ENOX1: variants seen among roughly 807,000 people sequenced by gnomAD.
The protein encoded by ENOX1 is ecto-NOX disulfide-thiol exchanger 1.
Under a neutral mutation model 82.5 loss-of-function variants are expected in ENOX1, and 42 were observed. That is an observed-to-expected ratio of 0.51 (90% CI 0.40 to 0.66). The LOEUF is 0.66. ENOX1 is among the 30% of genes least tolerant of loss of function. ENOX1 has a pLI of 0.00. For missense variants in ENOX1, 608 were observed against 811.6 expected, an observed-to-expected ratio of 0.75 and a Z score of 3.05; for synonymous variants, 271 against 282.2, an observed-to-expected ratio of 0.96 and a Z score of 0.40.
rs2078073852 is a variant in ENOX1 at position 43,528,441 on chromosome 13, T to TTTTTG, written c.-218-44290_-218-44289insCAAAA. ...CAACTATCTTCCAAAAAGCCTTCAC[T>TTTTTG]ACATTATTATAATCTCACCAAAAGC... On this transcript the variant is annotated intron_variant, in intron 2 of 16. Transcript: ENST00000690772. Among the ~76,000 whole-genome samples, 4 of 152,102 alleles carry TTTTTG rather than the reference T, an allele frequency of 2.6e-5. 1 individual carries two copies. The highest frequency in any genetic ancestry group is 2.6e-4 in the Admixed American group (4 of 15,260).
chr13:43,235,093 G>A (rs769408193), intron 15 of ENOX1, among the ~76,000 whole-genome samples: 2 of 152,166 alleles, frequency 1.3e-5, no homozygotes, highest in Non-Finnish European at 2.9e-5. Context: ...GAGTGACAGA[G>A]AAACAGTTGT....
chr13:43,485,176 A>G (rs553299617), intron 2 of ENOX1, among the ~76,000 whole-genome samples: 129 of 152,214 alleles, frequency 8.5e-4, no homozygotes, highest in African/African-American at 2.8e-3. Context: ...TTGGATTTCC[A>G]TTCTCATTTT....
intron 1 of ENOX1, among the ~76,000 whole-genome samples, chr13:43,668,420 T>A (rs1217158629): frequency 6.6e-6 from 1 of 152,218 alleles, no homozygotes; most frequent in Non-Finnish European, 1.5e-5. Context: ...TCCTCTATTA[T>A]AATTGCACGA....
chr13:43,471,017 C>T (rs1339744587), intron 3 of ENOX1, among the ~76,000 whole-genome samples: 1 of 152,116 alleles, frequency 6.6e-6, no homozygotes, highest in Non-Finnish European at 1.5e-5. Flanking sequence ...AGATGTTGAC[C>T]TACTATAAAT....
intron 2 of ENOX1, among the ~76,000 whole-genome samples, chr13:43,487,418 C>T (rs1226725863): frequency 6.6e-6 from 1 of 152,118 alleles, no homozygotes; most frequent in Non-Finnish European, 1.5e-5. Context: ...ATATGATATA[C>T]TTTAGAAAAA....
chr13:43,772,071 G>T (rs1489229460), intron 1 of ENOX1, among the ~76,000 whole-genome samples: 2 of 151,048 alleles, frequency 1.3e-5, no homozygotes, highest in African/African-American at 4.9e-5. Flanking sequence ...GCATTGGTGT[G>T]ATATCTCTTT....
At chr13:43,455,648 G>T (rs926652899) in intron 3 of ENOX1, among the ~76,000 whole-genome samples, 2 of 152,096 alleles carry the variant, frequency 1.3e-5, no homozygotes, top group African/African-American at 4.8e-5. Flanking sequence ...ATGGTTGGCT[G>T]TGTTCCCATC....
At chr13:43,503,361 T>G (rs577487668) in intron 2 of ENOX1, among the ~76,000 whole-genome samples, 1 of 151,744 alleles carries the variant, frequency 6.6e-6, no homozygotes, top group Non-Finnish European at 1.5e-5. Context: ...CCAGTGGCAT[T>G]TTTTTACAGA....
intron 12 of ENOX1, among the ~76,000 whole-genome samples, chr13:43,285,099 C>CACTA (rs2045617780): frequency 6.6e-6 from 1 of 152,170 alleles, no homozygotes; most frequent in Admixed American, 6.5e-5. Context: ...CCAGATTGGG[C>CACTA]ACTAACTTGT....
At chr13:43,701,760 T>C (rs2086918346) in intron 1 of ENOX1, among the ~76,000 whole-genome samples, 1 of 152,204 alleles carries the variant, frequency 6.6e-6, no homozygotes, top group South Asian at 2.1e-4. Context: ...TGGAATTGTG[T>C]CTTTTGGAAT....
intron 1 of ENOX1, among the ~76,000 whole-genome samples, chr13:43,719,338 C>CACACAT (rs1242621665): frequency 6.6e-6 from 1 of 151,402 alleles, no homozygotes; most frequent in African/African-American, 2.4e-5. Flanking sequence ...CACACACACA[C>CACACAT]ACACACACAC....
chr13:43,346,454 C>A (rs1046366949), intron 8 of ENOX1, among the ~76,000 whole-genome samples: 4 of 152,170 alleles, frequency 2.6e-5, no homozygotes, highest in African/African-American at 9.7e-5. Context: ...GATAACTGGC[C>A]TGGGAATGCC....
chr13:43,218,527 G>A (rs2041611369), intron 16 of ENOX1, among the ~76,000 whole-genome samples: 1 of 152,164 alleles, frequency 6.6e-6, no homozygotes, highest in African/African-American at 2.4e-5. Context: ...TCAGGAGACT[G>A]AGGCAAGAGG....
intron 1 of ENOX1, among the ~76,000 whole-genome samples, chr13:43,704,504 A>G (rs144011769): frequency 6.6e-6 from 1 of 152,178 alleles, no homozygotes; most frequent in Admixed American, 6.5e-5. Flanking sequence ...CTACTTTTAT[A>G]CATCTTTTCC....
chr13:43,395,561 A>G (rs2053088898), intron 5 of ENOX1, among the ~76,000 whole-genome samples: 1 of 152,194 alleles, frequency 6.6e-6, no homozygotes, highest in African/African-American at 2.4e-5. Context: ...ATTATTATCT[A>G]AAGTCCTTTC....
intron 2 of ENOX1, among the ~76,000 whole-genome samples, chr13:43,620,469 A>C (rs1379293322): frequency 6.6e-6 from 1 of 152,134 alleles, no homozygotes; most frequent in African/African-American, 2.4e-5. Context: ...AGTTTGAAGA[A>C]TTTTTAAATT....
At chr13:43,331,960 T>A (rs769513164) in intron 9 of ENOX1, among the ~76,000 whole-genome samples, 3 of 152,092 alleles carry the variant, frequency 2.0e-5, no homozygotes, top group African/African-American at 4.8e-5. Flanking sequence ...AAACCCATAC[T>A]TTAAGGAGGG....
At chr13:43,715,438 C>T (rs891839893) in intron 1 of ENOX1, among the ~76,000 whole-genome samples, 12 of 151,980 alleles carry the variant, frequency 7.9e-5, no homozygotes, top group African/African-American at 1.4e-4. Flanking sequence ...TGGCTCTTCT[C>T]GGAGTATCTT....
intron 2 of ENOX1, among the ~76,000 whole-genome samples, chr13:43,536,025 G>A (rs1243667710): frequency 6.6e-6 from 1 of 151,912 alleles, no homozygotes; most frequent in African/African-American, 2.4e-5. Context: ...CAGAAATGAG[G>A]TTCTGTCTTG....
Sources: allele counts gnomAD v4.1 joint callset (sites outside exome capture counted in the v4.1 genomes callset), GRCh38; gene constraint gnomAD v4.1.1; transcripts MANE v1.5; gene names NCBI Gene and HGNC (gene_info 2026-07-23, HGNC 2026-07-21).